Variants in SLIT2 observed in about 807,000 individuals in gnomAD.
The protein encoded by SLIT2 is slit homolog 2 protein.
A neutral mutation model predicts 185.7 loss-of-function variants in SLIT2; 41 were observed. The observed-to-expected ratio is 0.22, with a 90% CI of 0.17 to 0.29. SLIT2 has a LOEUF of 0.29. Among genes scored for constraint, SLIT2 ranks in the 10% least tolerant of loss-of-function variants. The pLI is 1.00. For synonymous variants in SLIT2, 693 were observed against 680.2 expected (o/e 1.02, Z -0.29); for missense variants, 1,571 against 1,909.0 (o/e 0.82, Z 3.30).
At chr4:20,537,146 C>T (rs767841822) in intron 18 of SLIT2, among the ~76,000 whole-genome samples, 2 of 152,150 alleles carry the variant, frequency 1.3e-5, no homozygotes, top group Non-Finnish European at 2.9e-5. Context: ...ATAGTAAATA[C>T]ATAAACCAAT....
chr4:20,457,626 C>G (rs765100218), intron 4 of SLIT2, among the ~76,000 whole-genome samples: 23 of 152,056 alleles, frequency 1.5e-4, no homozygotes, highest in Non-Finnish European at 3.1e-4. Context: ...TCTATATTTT[C>G]TTAGTGATTT....
chr4:20,569,248 G>T (rs1725360028), intron 29 of SLIT2: 2 of 438,768 alleles, frequency 4.6e-6, no homozygotes, highest in Admixed American at 3.9e-5. Context: ...AGTAATAAAA[G>T]AAGCTATTTT....
chr4:20,311,874 A>G (rs1718140366), intron 4 of SLIT2, among the ~76,000 whole-genome samples: 1 of 152,202 alleles, frequency 6.6e-6, no homozygotes, highest in Non-Finnish European at 1.5e-5. Context: ...TTTCAATATC[A>G]GTTCTATTTC....
rs1715232680 is a variant in SLIT2, at chr4:20,472,302, A to ATC, written c.467+4479_467+4480insTC. ...TATATATATAGATATATAGATATATAGATCTATATATAGATATATATATCT... is the reference window on the plus strand; with the variant it reads ...TATATATATAGATATATAGATATATATCGATCTATATATAGATATATATATCT... On this transcript the variant is annotated intron_variant, in intron 5 of 36. Transcript: ENST00000504154. Among the ~76,000 whole-genome samples the ATC allele has an allele frequency of 1.9e-4, 2 of 10,640 alleles. 1 individual carries two copies. The highest frequency in any genetic ancestry group is 2.9e-4 in the Non-Finnish European group (2 of 6,912). 7.0% of individuals were successfully genotyped at this position (10,640 alleles called of 152,430 possible).
intron 4 of SLIT2, among the ~76,000 whole-genome samples, chr4:20,396,239 C>T (rs950112128): frequency 6.6e-6 from 1 of 151,676 alleles, no homozygotes; most frequent in African/African-American, 2.4e-5. Context: ...ACCATGTAGG[C>T]CTTATTATGT....
At chr4:20,354,001 A>G (rs1393166860) in intron 4 of SLIT2, among the ~76,000 whole-genome samples, 2 of 152,168 alleles carry the variant, frequency 1.3e-5, no homozygotes, top group South Asian at 2.1e-4. Context: ...ATTGCGTAGG[A>G]TAAAATCATC....
At chr4:20,568,049 A>G (rs1284035695) in intron 28 of SLIT2, among the ~76,000 whole-genome samples, 1 of 152,222 alleles carries the variant, frequency 6.6e-6, no homozygotes, top group East Asian at 1.9e-4. Context: ...TATTTCCAAG[A>G]CACAATGTAA....
chr4:20,449,415 G>C (rs909938388), intron 4 of SLIT2, among the ~76,000 whole-genome samples: 1 of 151,958 alleles, frequency 6.6e-6, no homozygotes, highest in African/African-American at 2.4e-5. Context: ...GTTTTGTTTC[G>C]TTTTGATTTT....
chr4:20,312,095 A>G (rs1718161782), intron 4 of SLIT2, among the ~76,000 whole-genome samples: 1 of 152,208 alleles, frequency 6.6e-6, no homozygotes, highest in African/African-American at 2.4e-5. Context: ...CAACCTGAGA[A>G]GTTTTTATTT....
chr4:20,366,064 C>T (rs909730057), intron 4 of SLIT2, among the ~76,000 whole-genome samples: 1 of 152,098 alleles, frequency 6.6e-6, no homozygotes, highest in Non-Finnish European at 1.5e-5. Context: ...GAATCGCTGG[C>T]TTCAGGCATG....
chr4:20,477,998 AAG>A (rs1358820435), intron 5 of SLIT2, among the ~76,000 whole-genome samples: 1 of 152,184 alleles, frequency 6.6e-6, no homozygotes, highest in Non-Finnish European at 1.5e-5. Flanking sequence ...GTGAAACAAA[AAG>A]AGTGCAGCTA....
At chr4:20,257,189 T>C (rs528777115) in intron 2 of SLIT2, among the ~76,000 whole-genome samples, 18 of 152,250 alleles carry the variant, frequency 1.2e-4, no homozygotes, top group African/African-American at 4.3e-4. Context: ...CCATTCAAAT[T>C]TTCAGCAGAG....
intron 4 of SLIT2, among the ~76,000 whole-genome samples, chr4:20,356,089 G>T (rs1419490473): frequency 2.0e-5 from 3 of 152,126 alleles, no homozygotes; most frequent in African/African-American, 7.2e-5. Context: ...TTCAGTGTTT[G>T]TTTTTAGTGG....
rs994272405 is a variant in SLIT2, at chr4:20,252,607, C to T, written c.-1209C>T. Among the ~76,000 whole-genome samples the T allele has an allele frequency of 1.3e-5, 2 of 152,252 alleles. No individual in the cohort carries two copies. Among genetic ancestry groups the T allele is most frequent in the Admixed American group, 1.3e-4 (2 of 15,294 alleles). On this transcript the variant is annotated 5_prime_UTR_variant, in exon 1 of 37. Coordinates refer to ENST00000504154, the MANE Select transcript of SLIT2 (RefSeq NM_004787.4). ...CGGGGGCCGGCCGTGGCTCTGCGCC[C>T]TCCGGAACCCGGCTCTTGTTTCTTC...
intron 26 of SLIT2, among the ~76,000 whole-genome samples, chr4:20,564,620 A>G (rs962654261): frequency 5.3e-5 from 8 of 151,932 alleles, no homozygotes; most frequent in South Asian, 2.1e-4. Context: ...AATGATAGCT[A>G]ACTTTACCAT....
At chr4:20,256,321 G>A (rs1294972057) in intron 1 of SLIT2, among the ~76,000 whole-genome samples, 3 of 150,154 alleles carry the variant, frequency 2.0e-5, no homozygotes, top group African/African-American at 7.4e-5. Flanking sequence ...TTTTTTGGGG[G>A]GGGTGCCTAA....
In SLIT2 at chr4:20,257,987, A is replaced by T. The variant is rs749409664; in HGVS notation, c.323+48A>T. Reference sequence around the variant, plus strand: ...TTATGACAACATAACTGTGTTTTTTAAAAATACTTAAATTTCAAGCATCAT... The same window carrying T: ...TTATGACAACATAACTGTGTTTTTTTAAAATACTTAAATTTCAAGCATCAT... On this transcript the variant is annotated intron_variant, in intron 3 of 36. Transcript: ENST00000504154. The T allele has an allele frequency of 2.9e-5, 26 of 898,408 alleles. No homozygotes were observed. The South Asian group carries it at 3.8e-4, about 13-fold the overall frequency. The allele number at this position is 898,408 out of a possible 1,614,324, so 55.7% of individuals were successfully genotyped here.
chr4:20,269,163 G>T (rs1560269835), intron 4 of SLIT2, among the ~76,000 whole-genome samples: 1 of 151,882 alleles, frequency 6.6e-6, no homozygotes, highest in East Asian at 1.9e-4. Flanking sequence ...CCTTTTAATG[G>T]AAATGTTTGA....
chr4:20,555,426 C>T lies in SLIT2; in HGVS notation c.2725+1458C>T, dbSNP rs551119435. ...ACTGTAGTTTAATTACTTTACTAGT[C>T]TGTGCCTCGGTTTCCTCATTGTAAG... On this transcript the variant is annotated intron_variant, in intron 26 of 36. Transcript: ENST00000504154. Among the ~76,000 whole-genome samples the T allele has an allele frequency of 4.0e-4, 61 of 152,180 alleles. No homozygotes were observed. In the South Asian group the frequency reaches 6.8e-3, roughly 17 times the overall value.
Sources: gnomAD v4.1 joint callset for allele counts (sites outside exome capture counted in the v4.1 genomes callset) on GRCh38, gnomAD v4.1.1 for gene constraint, MANE v1.5 for transcripts, NCBI Gene and HGNC (gene_info 2026-07-23, HGNC 2026-07-21) for gene names.